GATAD2A: variants seen among roughly 807,000 people sequenced by gnomAD.
The protein encoded by GATAD2A is transcriptional repressor p66-alpha.
Under a neutral mutation model 68.5 loss-of-function variants are expected in GATAD2A, and 12 were observed. The ratio of observed to expected loss-of-function variants is 0.18; its 90% CI spans 0.11 to 0.28. GATAD2A has a LOEUF of 0.28. GATAD2A is among the 10% of genes least tolerant of loss of function. The pLI is 1.00. For missense variants in GATAD2A, 755 were observed against 868.5 expected, an observed-to-expected ratio of 0.87 and a Z score of 1.64; for synonymous variants, 410 against 375.3, an observed-to-expected ratio of 1.09 and a Z score of -1.07.
intron 7 of GATAD2A, among the ~76,000 whole-genome samples, chr19:19,497,919 G>A (rs1449018857): frequency 6.6e-6 from 1 of 152,184 alleles, no homozygotes; most frequent in Non-Finnish European, 1.5e-5. Context: ...AGGGGAAGAG[G>A]TTGGCCTAGG....
chr19:19,419,836 A>G (rs2147241171), intron 1 of GATAD2A, among the ~76,000 whole-genome samples: 1 of 151,912 alleles, frequency 6.6e-6, no homozygotes, highest in South Asian at 2.1e-4. Context: ...TCTTTGGTAG[A>G]GGAAGTTTTC....
rs116894625 is a variant in GATAD2A, at chr19:19,429,367, A to G, written c.-7+23348A>G. ...CGTGCAAAGGTCTGGCACGGGGAGT[A>G]GGCAGGCGTGCTGGGTCTGAGGAAT... On this transcript the variant is annotated intron_variant, in intron 1 of 11. Coordinates refer to ENST00000683918, the MANE Select transcript of GATAD2A (RefSeq NM_001384528.1). 8.3e-3 allele frequency: 2,430 copies of G among 294,304 alleles called. 12 individuals carry two copies. The highest frequency in any genetic ancestry group is 0.011 in the Non-Finnish European group (2,110 of 198,618). 18.2% of individuals were successfully genotyped at this position (294,304 alleles called of 1,614,324 possible).
In GATAD2A at chr19:19,501,981, C is replaced by T. The variant is rs773703939; in HGVS notation, c.1516C>T (p.Arg506Trp). 1.4e-5 allele frequency: 23 copies of T among 1,613,752 alleles called. No homozygotes were observed. Among genetic ancestry groups the T allele is most frequent in the Non-Finnish European group, 1.9e-5 (22 of 1,179,824 alleles). Reference sequence around the variant, plus strand: ...CCCGTTTGTGTAGGTCATAAAACCCCGGCGTAAGTTGGCGTTCCGCTCAGG... The same window carrying T: ...CCCGTTTGTGTAGGTCATAAAACCCTGGCGTAAGTTGGCGTTCCGCTCAGG... ...HPVLKQVIKP[R>W]RKLAFRSGEA... The change falls in exon 10 of 12, where the codon CGG becomes TGG. Residue 506 changes from arginine (R) to tryptophan (W), a missense_variant. Arg to Trp is a moderately radical substitution (Grantham distance 101). Transcript: ENST00000683918.
In GATAD2A at chr19:19,505,686, G is replaced by A; in HGVS notation, c.*212G>A. 2 of 478,684 alleles carry A rather than the reference G, an allele frequency of 4.2e-6. No homozygotes were observed. Among genetic ancestry groups the A allele is most frequent in the South Asian group, 7.5e-5 (2 of 26,686 alleles). The allele number at this position is 478,684 out of a possible 1,614,324, so 29.7% of individuals were successfully genotyped here. On this transcript the variant is annotated 3_prime_UTR_variant, in exon 12 of 12. Coordinates refer to ENST00000683918, the MANE Select transcript of GATAD2A (RefSeq NM_001384528.1). Reference sequence around the variant, plus strand: ...CTGGTGCCGCCTCATAGGCAGACGAGGATCATCGCTGGGGGACCTTTCCCG... The same window carrying A: ...CTGGTGCCGCCTCATAGGCAGACGAAGATCATCGCTGGGGGACCTTTCCCG...
intron 1 of GATAD2A, among the ~76,000 whole-genome samples, chr19:19,448,288 G>C (rs1171852057): frequency 6.6e-6 from 1 of 152,228 alleles, no homozygotes; most frequent in Non-Finnish European, 1.5e-5. Flanking sequence ...GTGTTCCTTG[G>C]GCAGCGTCTG....
chr19:19,456,597 A>T (rs2056961520), intron 1 of GATAD2A, among the ~76,000 whole-genome samples: 1 of 152,176 alleles, frequency 6.6e-6, no homozygotes, highest in South Asian at 2.1e-4. Flanking sequence ...ATGGGTTTGC[A>T]TCCCGCAGTG....
intron 1 of GATAD2A, among the ~76,000 whole-genome samples, chr19:19,436,950 C>T (rs904098882): frequency 2.6e-5 from 4 of 152,152 alleles, no homozygotes; most frequent in East Asian, 1.9e-4. Flanking sequence ...TTGCCGGTCA[C>T]GCAGTGTGAG....
chr19:19,427,161 T>C (rs914490555), intron 1 of GATAD2A, among the ~76,000 whole-genome samples: 1 of 151,744 alleles, frequency 6.6e-6, no homozygotes, highest in Non-Finnish European at 1.5e-5. Flanking sequence ...GAGTATTTAA[T>C]GGGGATAGAG....
At chr19:19,388,035 G>A (rs565372701) in intron 1 of GATAD2A, among the ~76,000 whole-genome samples, 9 of 150,804 alleles carry the variant, frequency 6.0e-5, no homozygotes, top group African/African-American at 2.2e-4. Flanking sequence ...TATCCTTGGA[G>A]CACTCACATC....
chr19:19,433,435 G>A (rs1280759939), intron 1 of GATAD2A, among the ~76,000 whole-genome samples: 1 of 152,134 alleles, frequency 6.6e-6, no homozygotes, highest in Middle Eastern at 3.2e-3. Context: ...TTGCACTTCC[G>A]TGTAGATTTT....
chr19:19,406,680 A>AGT (rs781146207), intron 1 of GATAD2A, among the ~76,000 whole-genome samples: 5 of 152,002 alleles, frequency 3.3e-5, no homozygotes, highest in Admixed American at 6.5e-5. Flanking sequence ...TCCCACCTAG[A>AGT]GTGGGTCGGC....
intron 2 of GATAD2A, among the ~76,000 whole-genome samples, chr19:19,485,170 C>T (rs1359088163): frequency 6.6e-6 from 1 of 152,294 alleles, no homozygotes; most frequent in East Asian, 1.9e-4. Flanking sequence ...TTTCTTTCCC[C>T]CTTCTCTTTC....
At chr19:19,450,322 G>A (rs568407748) in intron 1 of GATAD2A, among the ~76,000 whole-genome samples, 2 of 152,204 alleles carry the variant, frequency 1.3e-5, no homozygotes, top group South Asian at 4.1e-4. Context: ...TTAGGAGGCG[G>A]TAGATGCCCC....
In GATAD2A at chr19:19,506,582, C is replaced by T. The variant is rs1250685971; in HGVS notation, c.*1108C>T. On this transcript the variant is annotated 3_prime_UTR_variant, in exon 12 of 12. Coordinates refer to ENST00000683918, the MANE Select transcript of GATAD2A (RefSeq NM_001384528.1). ...GTCTAGTTTAGAACCTGTCCTTAAA[C>T]CTAGGGGTTGCTGTCAGGATTTGCT... 2.5e-5 allele frequency: 4 copies of T among 158,050 alleles called. No homozygotes were observed. Among genetic ancestry groups the T allele is most frequent in the Non-Finnish European group, 5.5e-5 (4 of 73,078 alleles). 9.8% of individuals were successfully genotyped at this position (158,050 alleles called of 1,614,324 possible). A position where few individuals can be genotyped will look rare whatever the true frequency, so the allele number is the denominator to read the frequency against.
In GATAD2A at chr19:19,430,976, GGTGTGT is replaced by G. The variant is rs71170687; in HGVS notation, c.-7+24994_-7+24999del. ...GTGTTTGGGTGGGTTGTATGGTAGG[GGTGTGT>G]GTGTGTGTGTGTGTGTGTGTGTGTG... On this transcript the variant is annotated intron_variant, in intron 1 of 11. Transcript: ENST00000683918. Among the ~76,000 whole-genome samples the G allele has an allele frequency of 3.8e-3, 513 of 136,764 alleles. 3 individuals carry two copies. The highest frequency in any genetic ancestry group is 0.014 in the South Asian group (59 of 4,314). 89.7% of individuals were successfully genotyped at this position (136,764 alleles called of 152,430 possible).
intron 1 of GATAD2A, among the ~76,000 whole-genome samples, chr19:19,451,754 C>T (rs1309328817): frequency 6.6e-6 from 1 of 152,228 alleles, no homozygotes; most frequent in Admixed American, 6.5e-5. Flanking sequence ...TTTCCATATT[C>T]TTGAGACAAG....
chr19:19,453,721 G>A (rs1295261712), intron 1 of GATAD2A, among the ~76,000 whole-genome samples: 1 of 150,358 alleles, frequency 6.7e-6, no homozygotes, highest in Non-Finnish European at 1.5e-5. Flanking sequence ...CCGTCGCCCA[G>A]GCTGGAGCGC....
At chr19:19,419,327 CTCG>C (rs1249501450) in intron 1 of GATAD2A, among the ~76,000 whole-genome samples, 2 of 152,160 alleles carry the variant, frequency 1.3e-5, no homozygotes, top group African/African-American at 4.8e-5. Flanking sequence ...CTTCCTGCAT[CTCG>C]TACACTGGCA....
In GATAD2A at chr19:19,447,104, CAG is replaced by C. The variant is rs148679698; in HGVS notation, c.-6-18231_-6-18230del. Among the ~76,000 whole-genome samples, 392 of 152,242 alleles carry C rather than the reference CAG, an allele frequency of 2.6e-3. 3 individuals carry two copies. The South Asian group carries it at 0.041, about 16-fold the overall frequency. ...TATCCTGGGGGTGGAAGCCCACAAA[CAG>C]AGAGGTGAATAAATAGCATGTCAAG... On this transcript the variant is annotated intron_variant, in intron 1 of 11. Coordinates refer to ENST00000683918, the MANE Select transcript of GATAD2A (RefSeq NM_001384528.1).
Sources: gnomAD v4.1 joint callset for allele counts (sites outside exome capture counted in the v4.1 genomes callset) on GRCh38, gnomAD v4.1.1 for gene constraint, MANE v1.5 for transcripts, NCBI Gene and HGNC (gene_info 2026-07-23, HGNC 2026-07-21) for gene names.